The following RASA3 variants were observed in gnomAD, a reference collection of about 807,000 sequenced individuals.
RASA3 encodes the protein ras GTPase-activating protein 3.
RASA3 carries 73 observed loss-of-function variants against 110.0 expected under a neutral mutation model. That is an observed-to-expected ratio of 0.66 (90% confidence interval 0.55 to 0.81). RASA3 has a LOEUF of 0.81. Among genes scored for constraint, RASA3 ranks in the 30% least tolerant of loss-of-function variants. The pLI, the probability that RASA3 is intolerant of heterozygous loss-of-function variation, is 0.00. For synonymous variants in RASA3, 500 were observed against 451.4 expected (o/e 1.11, Z -1.37); for missense variants, 976 against 1,113.2 (o/e 0.88, Z 1.75).
At chr13:114,050,384 C>G (rs1428755911) in intron 3 of RASA3, among the ~76,000 whole-genome samples, 2 of 152,224 alleles carry the variant, frequency 1.3e-5, no homozygotes, top group East Asian at 1.9e-4. Flanking sequence ...AAAATGAAGT[C>G]AAATGTCAAT....
chr13:114,132,539 G>A lies in RASA3; in HGVS notation c.-50C>T. On this transcript the variant is annotated 5_prime_UTR_variant, in exon 1 of 24. Transcript: ENST00000334062. ...CTCGCCCCAAGCGCGCGCCGAGCCC[G>A]GGCAGCTCAGGCCGAGCAGGAGGAG... The A allele has an allele frequency of 5.7e-6, 8 of 1,400,302 alleles. No individual in the cohort carries two copies. The highest frequency in any genetic ancestry group is 2.5e-4 in the Middle Eastern group (1 of 3,948). 86.7% of individuals were successfully genotyped at this position (1,400,302 alleles called of 1,614,324 possible).
chr13:113,984,174 A>C (rs2052995637), intron 22 of RASA3, among the ~76,000 whole-genome samples: 1 of 66,260 alleles, frequency 1.5e-5, no homozygotes, highest in East Asian at 5.6e-4. Flanking sequence ...TCCACCCATC[A>C]CTCACCCCTC....
At chr13:114,038,012 C>T (rs751240908) in intron 4 of RASA3, among the ~76,000 whole-genome samples, 13 of 151,820 alleles carry the variant, frequency 8.6e-5, no homozygotes, top group South Asian at 2.1e-4. Flanking sequence ...ATTCGCCCCT[C>T]GCCACTCCTG....
rs866725766 is a variant in RASA3, at chr13:114,042,560, C to T, written c.278-1466G>A. 4.3e-4 allele frequency among the ~76,000 whole-genome samples: 66 copies of T among 152,372 alleles called. 1 individual carries two copies. The highest frequency in any genetic ancestry group is 2.6e-3 in the Admixed American group (40 of 15,314). ...TCCCCGCAGACCCGGTTCACCGCAGCGTCCGCAGCCACAGGGTCTGAGCAC... is the reference window on the plus strand; with the variant it reads ...TCCCCGCAGACCCGGTTCACCGCAGTGTCCGCAGCCACAGGGTCTGAGCAC... On this transcript the variant is annotated intron_variant, in intron 3 of 23. Coordinates refer to ENST00000334062, the MANE Select transcript of RASA3 (RefSeq NM_007368.4).
intron 2 of RASA3, among the ~76,000 whole-genome samples, chr13:114,070,964 C>A (rs1363017302): frequency 7.4e-6 from 1 of 135,238 alleles, no homozygotes; most frequent in African/African-American, 2.9e-5. Context: ...CAGTGTTACA[C>A]GTGGGCAGGG....
chr13:114,032,227 C>T (rs2054183118), intron 4 of RASA3, among the ~76,000 whole-genome samples: 1 of 152,120 alleles, frequency 6.6e-6, no homozygotes, highest in African/African-American at 2.4e-5. Context: ...AACCCTGAAC[C>T]CGGCTCTATT....
intron 1 of RASA3, among the ~76,000 whole-genome samples, chr13:114,127,993 G>C (rs2080472442): frequency 6.6e-6 from 1 of 152,212 alleles, no homozygotes; most frequent in African/African-American, 2.4e-5. Flanking sequence ...TTCCAGGCAA[G>C]GCCCGGGCCC....
chr13:114,042,323 C>T (rs894054952), intron 3 of RASA3, among the ~76,000 whole-genome samples: 5 of 152,256 alleles, frequency 3.3e-5, no homozygotes, highest in Non-Finnish European at 5.9e-5. Flanking sequence ...GGTGAGCACC[C>T]ACGGCAGCAC....
intron 11 of RASA3, 119 bp from the exon 12 acceptor site, chr13:114,017,470 G>A (rs574706327): frequency 3.1e-5 from 25 of 797,018 alleles, no homozygotes; most frequent in Admixed American, 2.7e-4. Flanking sequence ...CCCATCAGTC[G>A]GCTTCCTGAC....
rs746938870 is a variant in RASA3 at position 113,992,437 on chromosome 13, C to T, written c.2245+48G>A. 15 of 1,504,130 alleles carry T rather than the reference C, an allele frequency of 1.0e-5. No individual in the cohort carries two copies. The East Asian group carries it at 2.5e-4, about 25-fold the overall frequency. The allele number at this position is 1,504,130 out of a possible 1,614,324, so 93.2% of individuals were successfully genotyped here. A position where few individuals can be genotyped will look rare whatever the true frequency, so the allele number is the denominator to read the frequency against. ...CAGCATGCTCCTGAGGCCGGGGCCT[C>T]GCCAGCCATCCCCTCGCTGCACAGA... On this transcript the variant is annotated intron_variant, in intron 22 of 23. Transcript: ENST00000334062.
rs1429784122 is a variant in RASA3 at position 114,013,706 on chromosome 13, CT to C, written c.1406-459del. On this transcript the variant is annotated intron_variant, in intron 14 of 23. Transcript: ENST00000334062. ...TCTCCCTATCTCTGTCTCTCTCTCT[CT>C]CTCCCCCTCTCTCTCTCCGTCCGTC... is the stretch of plus-strand genomic sequence containing the variant. Among the ~76,000 whole-genome samples the C allele has an allele frequency of 5.5e-5, 8 of 145,334 alleles. 1 individual carries two copies. The highest frequency in any genetic ancestry group is 7.8e-5 in the African/African-American group (3 of 38,338).
At chr13:114,049,785 C>G (rs1388122266) in intron 3 of RASA3, among the ~76,000 whole-genome samples, 2 of 152,254 alleles carry the variant, frequency 1.3e-5, no homozygotes, top group Non-Finnish European at 2.9e-5. Context: ...GGGCTGAGAA[C>G]ACAGGAGCGA....
In RASA3 at chr13:114,011,619, G is replaced by A. The variant is rs115739008; in HGVS notation, c.1513-371C>T. On this transcript the variant is annotated intron_variant, in intron 15 of 23. Coordinates refer to ENST00000334062, the MANE Select transcript of RASA3 (RefSeq NM_007368.4). The surrounding 1 kb of genome is among the most constrained non-coding windows in gnomAD (Gnocchi z 4.8). ...CATCTCAGCCTTCACAGGGTTTGAA[G>A]GTTCAACTCAGAAGTGCTGGGGGCC... Among the ~76,000 whole-genome samples, 1,764 of 152,214 alleles carry A rather than the reference G, an allele frequency of 0.012. 25 individuals carry two copies. Among genetic ancestry groups the A allele is most frequent in the African/African-American group, 0.041 (1,701 of 41,504 alleles).
intron 2 of RASA3, among the ~76,000 whole-genome samples, chr13:114,068,633 G>A (rs576040642): frequency 6.6e-6 from 1 of 152,112 alleles, no homozygotes; most frequent in Non-Finnish European, 1.5e-5. Context: ...GGTCCAGGGC[G>A]GGAAGCTGGT....
At chr13:114,010,126 G>A (rs536153924) in intron 16 of RASA3, among the ~76,000 whole-genome samples, 40 of 152,172 alleles carry the variant, frequency 2.6e-4, no homozygotes, top group Admixed American at 2.4e-3. Flanking sequence ...AAGAGCGGTC[G>A]GTGCACCTCG....
At chr13:114,010,919 C>T (rs922523041) in intron 16 of RASA3, among the ~76,000 whole-genome samples, 1 of 143,392 alleles carries the variant, frequency 7.0e-6, no homozygotes, top group African/African-American at 2.6e-5. Context: ...AGGTCAGATG[C>T]TGCTCCTGCC....
chr13:114,128,098 G>C (rs1416030578), intron 1 of RASA3, among the ~76,000 whole-genome samples: 1 of 152,208 alleles, frequency 6.6e-6, no homozygotes, highest in Non-Finnish European at 1.5e-5. Context: ...AGCACAGGCA[G>C]CTTAGCTGAG....
At chr13:113,981,611 C>A in intron 23 of RASA3, 64 bp downstream of exon 23, 1 of 1,548,770 alleles carries the variant, frequency 6.5e-7, no homozygotes. Context: ...TGCAGCCCCA[C>A]CCCCACTGCA....
intron 1 of RASA3, among the ~76,000 whole-genome samples, chr13:114,077,627 A>C (rs1246656363): frequency 8.0e-5 from 5 of 62,598 alleles, no homozygotes; most frequent in Non-Finnish European, 1.2e-4. Flanking sequence ...CAGTCCCCCC[A>C]CACTGGCACC....
Sources: allele counts gnomAD v4.1 joint callset (sites outside exome capture counted in the v4.1 genomes callset), GRCh38; gene constraint gnomAD v4.1.1; non-coding constraint Gnocchi (gnomAD v3.1); transcripts MANE v1.5; gene names NCBI Gene and HGNC (gene_info 2026-07-23, HGNC 2026-07-21).